Variants in MGST3 observed in about 807,000 individuals in gnomAD.
MGST3 encodes glutathione S-transferase 3, mitochondrial.
MGST3 carries 13 observed loss-of-function variants against 15.8 expected under a neutral mutation model. The ratio of observed to expected loss-of-function variants is 0.82; its 90% CI spans 0.54 to 1.31. The LOEUF (loss-of-function observed/expected upper bound fraction) is 1.31, where lower values mean the gene tolerates loss of function less well. Ranked by LOEUF, MGST3 falls within the 50% of genes most tolerant of loss-of-function variation. The pLI, the probability that MGST3 is intolerant of heterozygous loss-of-function variation, is 0.00. For missense variants in MGST3, 155 were observed against 192.4 expected, an observed-to-expected ratio of 0.81 and a Z score of 1.15; for synonymous variants, 49 against 68.1, an observed-to-expected ratio of 0.72 and a Z score of 1.38.
At chr1:165,632,157 C>A (rs1217550067) in intron 1 of MGST3, 2 of 1,277,166 alleles carry the variant, frequency 1.6e-6, no homozygotes, top group Non-Finnish European at 2.3e-6. Context: ...GTGTGGAAGA[C>A]GAGGTAAAGG....
intron 1 of MGST3, among the ~76,000 whole-genome samples, chr1:165,632,731 C>T (rs1317877126): frequency 6.6e-6 from 1 of 152,128 alleles, no homozygotes; most frequent in Non-Finnish European, 1.5e-5. Flanking sequence ...TGGAGAAGGG[C>T]AGCCTTCCGC....
At position 165,651,851 on chromosome 1, in the gene MGST3, T is replaced by C. The variant is rs1017194736; in HGVS notation, c.192-127T>C. On this transcript the variant is annotated intron_variant, in intron 3 of 5. Transcript: ENST00000367889. ...CGGAGGTTGCAGTGAGCTGAGATCA[T>C]GCCACTGCATTCCAGCCTGGGTGAC... is the stretch of plus-strand genomic sequence containing the variant. 14 of 630,150 alleles carry C rather than the reference T, an allele frequency of 2.2e-5. No individual in the cohort carries two copies. In the African/African-American group the frequency reaches 2.7e-4, roughly 12 times the overall value. 39.0% of individuals were successfully genotyped at this position (630,150 alleles called of 1,614,324 possible). A position where few individuals can be genotyped will look rare whatever the true frequency, so the allele number is the denominator to read the frequency against.
chr1:165,646,322 T>C (rs998129287), intron 1 of MGST3: 1 of 152,246 alleles, frequency 6.6e-6, no homozygotes, highest in Non-Finnish European at 1.5e-5. Context: ...CTCTTCGCCT[T>C]GGAATCTTCA....
At chr1:165,646,678 G>A (rs906157798) in intron 1 of MGST3, 2 of 152,286 alleles carry the variant, frequency 1.3e-5, no homozygotes, top group African/African-American at 4.8e-5. Flanking sequence ...GACGGGGTGC[G>A]TGGTGGTGGT....
intron 1 of MGST3, among the ~76,000 whole-genome samples, chr1:165,645,042 T>G (rs1361072280): frequency 6.6e-6 from 1 of 152,202 alleles, no homozygotes; most frequent in African/African-American, 2.4e-5. Context: ...ATTACAGGTG[T>G]GAGCCACCAT....
chr1:165,635,905 T>C (rs1315975727), intron 1 of MGST3: 1 of 152,204 alleles, frequency 6.6e-6, no homozygotes, highest in Non-Finnish European at 1.5e-5. Flanking sequence ...ATAAATAATA[T>C]GATTTCTATT....
At chr1:165,645,265 T>C (rs2101720024) in intron 1 of MGST3, among the ~76,000 whole-genome samples, 1 of 152,336 alleles carries the variant, frequency 6.6e-6, no homozygotes, top group South Asian at 2.1e-4. Flanking sequence ...TTTTTAAGCT[T>C]TTTTTGTTAA....
chr1:165,640,850 C>G (rs1448585518), intron 1 of MGST3, among the ~76,000 whole-genome samples: 2 of 152,208 alleles, frequency 1.3e-5, no homozygotes, highest in Non-Finnish European at 2.9e-5. Flanking sequence ...GATCCTGATG[C>G]AACAGCCCTG....
intron 1 of MGST3, among the ~76,000 whole-genome samples, chr1:165,648,121 C>T (rs1009507633): frequency 6.6e-6 from 1 of 152,226 alleles, no homozygotes; most frequent in African/African-American, 2.4e-5. Flanking sequence ...TGACTTTCTA[C>T]ACTTGGGAAG....
chr1:165,645,094 A>G (rs1162920379), intron 1 of MGST3, among the ~76,000 whole-genome samples: 4 of 151,326 alleles, frequency 2.6e-5, no homozygotes, highest in Non-Finnish European at 5.9e-5. Flanking sequence ...ATTCTATAAG[A>G]TTTTTTTTTC....
intron 1 of MGST3, 67 bp from the exon 2 acceptor site, chr1:165,649,774 C>T: frequency 1.2e-6 from 2 of 1,607,866 alleles, no homozygotes; most frequent in Non-Finnish European, 1.7e-6. Context: ...ATCTTGCTCC[C>T]TAAGGCTTCA....
At chr1:165,655,311 G>T in intron 5 of MGST3, 57 bp from the exon 6 acceptor site, 3 of 1,606,264 alleles carry the variant, frequency 1.9e-6, no homozygotes, top group South Asian at 2.2e-5. Flanking sequence ...TGCGAATGTT[G>T]AAAGCATCAT....
At chr1:165,650,747 G>A (rs977055927) in intron 2 of MGST3, 49 of 469,876 alleles carry the variant, frequency 1.0e-4, no homozygotes, top group East Asian at 4.9e-4. Context: ...TGAAAAGCAC[G>A]GAGTTTGGCG....
rs1458048046 is a variant in MGST3, at chr1:165,655,520, T to TA, written c.*21dup. 6.2e-7 allele frequency: 1 copy of TA among 1,613,996 alleles called. No individual in the cohort carries two copies. Among genetic ancestry groups the TA allele is most frequent in the Non-Finnish European group, 8.5e-7 (1 of 1,179,932 alleles). ...CTGCCATTAAAGAATTATAGGGGTT[T>TA]AAAAACTCTCATTCATTTTAAATGA... On this transcript the variant is annotated 3_prime_UTR_variant, in exon 6 of 6. Transcript: ENST00000367889.
intron 1 of MGST3, among the ~76,000 whole-genome samples, chr1:165,638,478 AAAAAC>A (rs1419732424): frequency 2.0e-5 from 3 of 152,024 alleles, no homozygotes; most frequent in African/African-American, 4.8e-5. Context: ...GTCTCAAAAC[AAAAAC>A]AAAACAAAAC....
chr1:165,632,524 A>G (rs1224857067), intron 1 of MGST3, among the ~76,000 whole-genome samples: 1 of 152,258 alleles, frequency 6.6e-6, no homozygotes, highest in African/African-American at 2.4e-5. Context: ...TAAAACTAAC[A>G]TATAAAATAG....
At chr1:165,641,775 T>C (rs1369423259) in intron 1 of MGST3, among the ~76,000 whole-genome samples, 1 of 152,230 alleles carries the variant, frequency 6.6e-6, no homozygotes. Flanking sequence ...TCCTGCTATC[T>C]CTAGTCTTGT....
chr1:165,635,465 T>C (rs1200723557), intron 1 of MGST3, among the ~76,000 whole-genome samples: 1 of 151,818 alleles, frequency 6.6e-6, no homozygotes, highest in Non-Finnish European at 1.5e-5. Context: ...TTTAACAGAG[T>C]TTCAACAGAG....
At chr1:165,635,042 T>C (rs1648070608) in intron 1 of MGST3, among the ~76,000 whole-genome samples, 2 of 151,698 alleles carry the variant, frequency 1.3e-5, no homozygotes, top group Non-Finnish European at 1.5e-5. Flanking sequence ...TTATGAGATG[T>C]TGTCTTTATT....
Sources: gnomAD v4.1 joint callset for allele counts (sites outside exome capture counted in the v4.1 genomes callset) on GRCh38, gnomAD v4.1.1 for gene constraint, MANE v1.5 for transcripts, NCBI Gene and HGNC (gene_info 2026-07-23, HGNC 2026-07-21) for gene names.